The following ZNF423 variants were observed in gnomAD, a reference collection of about 807,000 sequenced individuals.
The protein encoded by ZNF423 is zinc finger protein 423.
ZNF423 carries 12 observed loss-of-function variants against 95.8 expected under a neutral mutation model. The ratio of observed to expected loss-of-function variants is 0.13; its 90% CI spans 0.08 to 0.20. The LOEUF is 0.20. Ranked by LOEUF, ZNF423 falls within the 10% of genes least tolerant of loss-of-function variation. The pLI is 1.00. For missense variants in ZNF423, 1,316 were observed against 1,737.1 expected, an observed-to-expected ratio of 0.76 and a Z score of 4.31; for synonymous variants, 749 against 711.9, an observed-to-expected ratio of 1.05 and a Z score of -0.83.
chr16:49,651,555 C>G (rs758672215), intron 3 of ZNF423, among the ~76,000 whole-genome samples: 1 of 152,208 alleles, frequency 6.6e-6, no homozygotes, highest in Non-Finnish European at 1.5e-5. Flanking sequence ...CCAGCTCCCC[C>G]ACTTACTATG....
chr16:49,549,072 G>C (rs1346009215), intron 5 of ZNF423, among the ~76,000 whole-genome samples: 1 of 152,168 alleles, frequency 6.6e-6, no homozygotes, highest in African/African-American at 2.4e-5. Flanking sequence ...CACTTCAGAT[G>C]GTTCAAAATG....
intron 3 of ZNF423, among the ~76,000 whole-genome samples, chr16:49,675,379 G>T (rs529345924): frequency 1.3e-5 from 2 of 152,252 alleles, no homozygotes; most frequent in African/African-American, 4.8e-5. Flanking sequence ...GGCCATCTTT[G>T]ACTAGGAGGC....
At position 49,550,797 on chromosome 16, in the gene ZNF423, C is replaced by T. The variant is rs539414715; in HGVS notation, c.3602-25303G>A. ...GATTTTGGGGATGTGGCCGGCCCAA[C>T]AAGTCTAGCTCTGAGGGCTGCTTGC... On this transcript the variant is annotated intron_variant, in intron 5 of 7. Coordinates refer to ENST00000563137, the MANE Select transcript of ZNF423 (RefSeq NM_001379286.1). 6.6e-5 allele frequency among the ~76,000 whole-genome samples: 10 copies of T among 152,354 alleles called. No homozygotes were observed. In the South Asian group the frequency reaches 1.7e-3, roughly 25 times the overall value.
intron 3 of ZNF423, among the ~76,000 whole-genome samples, chr16:49,709,633 T>C (rs530806799): frequency 5.9e-5 from 9 of 152,264 alleles, no homozygotes; most frequent in Non-Finnish European, 1.0e-4. Flanking sequence ...TGTTGAAACC[T>C]AACCAAGATG....
chr16:49,737,747 C>G (rs1418133114), intron 2 of ZNF423, among the ~76,000 whole-genome samples: 2 of 152,204 alleles, frequency 1.3e-5, no homozygotes, highest in Admixed American at 1.3e-4. Flanking sequence ...CAGGGCTTCG[C>G]AAGGTCATGA....
At chr16:49,685,801 C>T (rs2031542379) in intron 3 of ZNF423, among the ~76,000 whole-genome samples, 1 of 152,120 alleles carries the variant, frequency 6.6e-6, no homozygotes, top group Non-Finnish European at 1.5e-5. Context: ...TGCCAAGACC[C>T]CCACCACCCA....
chr16:49,583,014 G>A (rs1454164870), intron 5 of ZNF423, among the ~76,000 whole-genome samples: 4 of 152,132 alleles, frequency 2.6e-5, no homozygotes, highest in South Asian at 2.1e-4. Context: ...TTCTCTTAGC[G>A]ACCTACTCAA....
chr16:49,800,758 T>C (rs2034570401), intron 1 of ZNF423, among the ~76,000 whole-genome samples: 1 of 152,104 alleles, frequency 6.6e-6, no homozygotes, highest in Non-Finnish European at 1.5e-5. Flanking sequence ...TCCTCACTTT[T>C]CTGGTGAGGA....
intron 1 of ZNF423, among the ~76,000 whole-genome samples, chr16:49,837,376 C>G (rs988577042): frequency 1.3e-5 from 2 of 152,184 alleles, no homozygotes; most frequent in East Asian, 3.8e-4. Flanking sequence ...CAGACCCCCA[C>G]AACCTACTCC....
At chr16:49,624,133 C>T (rs11865063) in intron 5 of ZNF423, among the ~76,000 whole-genome samples, 1 of 151,836 alleles carries the variant, frequency 6.6e-6, no homozygotes, top group African/African-American at 2.4e-5. Context: ...ATTTTATATA[C>T]ATATTTACAC....
intron 5 of ZNF423, among the ~76,000 whole-genome samples, chr16:49,557,075 C>T (rs1186879816): frequency 1.3e-5 from 2 of 152,206 alleles, no homozygotes; most frequent in African/African-American, 2.4e-5. Context: ...TCACACAAGG[C>T]GGGCCCTCTT....
Position 49,648,088 on chromosome 16 carries a change from T to G in ZNF423, c.302-9214A>C, listed in dbSNP as rs1229878654. 4.6e-5 allele frequency among the ~76,000 whole-genome samples: 7 copies of G among 152,094 alleles called. No homozygotes were observed. The East Asian group carries it at 1.3e-3, about 29-fold the overall frequency. The stretch of plus-strand genomic sequence containing the variant: ...CACATCAGAGAAAACCTAAATCACT[T>G]TAGGAAATATCTAAATCATCATGAA... On this transcript the variant is annotated intron_variant, in intron 3 of 7. Transcript: ENST00000563137.
At chr16:49,805,336 C>T (rs187609337) in intron 1 of ZNF423, among the ~76,000 whole-genome samples, 18 of 152,326 alleles carry the variant, frequency 1.2e-4, no homozygotes, top group African/African-American at 4.3e-4. Flanking sequence ...GCCACCTCTT[C>T]ACACGTTACC....
chr16:49,675,650 C>G (rs1319302947), intron 3 of ZNF423, among the ~76,000 whole-genome samples: 1 of 152,172 alleles, frequency 6.6e-6, no homozygotes, highest in Non-Finnish European at 1.5e-5. Context: ...CCCAAGTGCT[C>G]ACACGCACAT....
At chr16:49,583,013 C>T (rs1376255493) in intron 5 of ZNF423, among the ~76,000 whole-genome samples, 3 of 152,182 alleles carry the variant, frequency 2.0e-5, no homozygotes, top group African/African-American at 4.8e-5. Flanking sequence ...ATTCTCTTAG[C>T]GACCTACTCA....
At chr16:49,788,563 T>A (rs1388693624) in intron 2 of ZNF423, among the ~76,000 whole-genome samples, 3 of 152,214 alleles carry the variant, frequency 2.0e-5, no homozygotes, top group African/African-American at 7.2e-5. Flanking sequence ...TGCTTCAGTT[T>A]CCACAACTAA....
chr16:49,781,124 A>C (rs1242032780), intron 2 of ZNF423, among the ~76,000 whole-genome samples: 2 of 152,204 alleles, frequency 1.3e-5, no homozygotes, highest in Non-Finnish European at 2.9e-5. Flanking sequence ...GCGGGGAGCA[A>C]TGGACAGAGA....
intron 7 of ZNF423, among the ~76,000 whole-genome samples, chr16:49,514,185 A>AACACACACAC (rs10597628): frequency 3.4e-4 from 48 of 143,006 alleles, no homozygotes; most frequent in African/African-American, 8.0e-4. Flanking sequence ...CTGACCACCC[A>AACACACACAC]ACACACACAC....
At chr16:49,502,469 C>T (rs1967447149) in intron 7 of ZNF423, among the ~76,000 whole-genome samples, 1 of 151,782 alleles carries the variant, frequency 6.6e-6, no homozygotes, top group Non-Finnish European at 1.5e-5. Context: ...CCAGAAACTC[C>T]CACTTTCCTA....
Sources: gnomAD v4.1 joint callset for allele counts (sites outside exome capture counted in the v4.1 genomes callset) on GRCh38, gnomAD v4.1.1 for gene constraint, MANE v1.5 for transcripts, NCBI Gene and HGNC (gene_info 2026-07-23, HGNC 2026-07-21) for gene names.